TSFM: variants seen among roughly 807,000 people sequenced by gnomAD.
TSFM encodes elongation factor Ts, mitochondrial.
TSFM carries 29 observed loss-of-function variants against 33.4 expected under a neutral mutation model. That is an observed-to-expected ratio of 0.87 (90% CI 0.65 to 1.18). The LOEUF is 1.18. Among genes scored for constraint, TSFM ranks in the 50% most tolerant of loss-of-function variants. The pLI is 0.00. For synonymous variants in TSFM, 178 were observed against 163.5 expected (o/e 1.09, Z -0.68); for missense variants, 394 against 395.6 (o/e 1.00, Z 0.04).
At position 57,783,220 on chromosome 12, in the gene TSFM, A is replaced by C; in HGVS notation, c.168A>C (p.Lys56Asn). Residue 56 changes from lysine to asparagine, a missense_variant, in exon 2 of 6, where the codon AAA becomes AAC. Lys to Asn is a moderately conservative substitution (Grantham distance 94). Coordinates refer to ENST00000652027, the MANE Select transcript of TSFM (RefSeq NM_005726.6). ...SKELLMKLRR[K>N]TGYSFVNCKK... The stretch of plus-strand genomic sequence containing the variant: ...AGCTCCTCATGAAGCTGCGGCGGAA[A>C]ACAGGCTACTCCTTTGTAAATTGCA... 6.2e-7 allele frequency: 1 copy of C among 1,613,844 alleles called. No individual in the cohort carries two copies. The highest frequency in any genetic ancestry group is 8.5e-7 in the Non-Finnish European group (1 of 1,179,896).
chr12:57,797,210 A>G lies in TSFM; in HGVS notation c.*627A>G. 3 of 985,436 alleles carry G rather than the reference A, an allele frequency of 3.0e-6. No homozygotes were observed. Among genetic ancestry groups the G allele is most frequent in the Non-Finnish European group, 3.6e-6 (3 of 829,938 alleles). 61.0% of individuals were successfully genotyped at this position (985,436 alleles called of 1,614,324 possible). On this transcript the variant is annotated 3_prime_UTR_variant, in exon 6 of 6. Transcript: ENST00000652027. ...TACTGAGGTTTCCTGGCCAGCTGTAAGGCAGATTTTGACATTCTTGTGCCA... is the reference window on the plus strand; with the variant it reads ...TACTGAGGTTTCCTGGCCAGCTGTAGGGCAGATTTTGACATTCTTGTGCCA...
At chr12:57,802,110 T>G, downstream of TSFM, 4 of 1,596,352 alleles carry the variant, frequency 2.5e-6, no homozygotes, top group Non-Finnish European at 3.4e-6. Context: ...CACTGAGCTG[T>G]TCTGAGCTAC....
chr12:57,792,252 G>A (rs1955672445), intron 4 of TSFM, among the ~76,000 whole-genome samples: 2 of 151,478 alleles, frequency 1.3e-5, no homozygotes, highest in African/African-American at 4.9e-5. Flanking sequence ...TCAAAAAAAA[G>A]AAAAAACTGT....
rs2140414091 is a variant in TSFM at position 57,783,776 on chromosome 12, T to C, written c.231+493T>C. The C allele has an allele frequency of 8.5e-6, 5 of 590,878 alleles. No individual in the cohort carries two copies. In the South Asian group the frequency reaches 1.0e-4, roughly 12 times the overall value. 36.6% of individuals were successfully genotyped at this position (590,878 alleles called of 1,614,324 possible). A position where few individuals can be genotyped will look rare whatever the true frequency, so the allele number is the denominator to read the frequency against. On this transcript the variant is annotated intron_variant, in intron 2 of 5. Transcript: ENST00000652027. ...ACCCGGCTATTTTATTTTTTATTTT[T>C]TATTTTTTTTTGTATTTTTAGTAGA... is the stretch of plus-strand genomic sequence containing the variant.
chr12:57,795,850 A>T (rs1205400949), intron 5 of TSFM, among the ~76,000 whole-genome samples: 2 of 152,046 alleles, frequency 1.3e-5, no homozygotes, highest in Non-Finnish European at 2.9e-5. Context: ...TCCTGACCTC[A>T]GGTGATCTAC....
At chr12:57,800,285 C>A, downstream of TSFM, 1 of 180,646 alleles carries the variant, frequency 5.5e-6, no homozygotes. Flanking sequence ...TGTAGTCCTA[C>A]TTAAATACAA....
downstream of TSFM, among the ~76,000 whole-genome samples, chr12:57,799,452 G>A (rs764160424): frequency 1.3e-5 from 2 of 152,250 alleles, no homozygotes; most frequent in African/African-American, 2.4e-5. Flanking sequence ...AAACAGGGCC[G>A]TGCCATATAT....
chr12:57,786,252 T>A lies in TSFM; in HGVS notation c.321T>A (p.Ile107=), dbSNP rs1253596799. The A allele has an allele frequency of 5.0e-6, 8 of 1,612,366 alleles. No homozygotes were observed. The highest frequency in any genetic ancestry group is 6.8e-6 in the Non-Finnish European group (8 of 1,179,178). ...LQGRKTKEGL[I]GLLQEGNTTV... ...GGAGGAAGACCAAAGAAGGCCTGATTGGGCTGTTGCAGGAAGGAAACACAA... is the reference window on the plus strand; with the variant it reads ...GGAGGAAGACCAAAGAAGGCCTGATAGGGCTGTTGCAGGAAGGAAACACAA... The change falls in exon 3 of 6, where the codon ATT becomes ATA. Residue 107 remains isoleucine, a synonymous_variant. Coordinates refer to ENST00000652027, the MANE Select transcript of TSFM (RefSeq NM_005726.6).
At chr12:57,785,218 G>A (rs956147465) in intron 2 of TSFM, among the ~76,000 whole-genome samples, 1 of 152,086 alleles carries the variant, frequency 6.6e-6, no homozygotes, top group Non-Finnish European at 1.5e-5. Context: ...GAGCCACAGC[G>A]CCTGGCCAAA....
At chr12:57,799,793 A>G, downstream of TSFM, 1 of 1,613,706 alleles carries the variant, frequency 6.2e-7, no homozygotes, top group South Asian at 1.1e-5. Flanking sequence ...TCAGCCACTC[A>G]CCTCCTTTTT....
chr12:57,795,136 G>C (rs891478542), intron 5 of TSFM, among the ~76,000 whole-genome samples: 1 of 148,020 alleles, frequency 6.8e-6, no homozygotes, highest in African/African-American at 2.5e-5. Context: ...TTTTGCTCTT[G>C]TTGCCCAGGC....
At chr12:57,788,614 A>G (rs377589618) in intron 4 of TSFM, among the ~76,000 whole-genome samples, 2 of 151,556 alleles carry the variant, frequency 1.3e-5, no homozygotes, top group African/African-American at 4.9e-5. Context: ...ATTTATTAAC[A>G]TTTTGCTGTA....
chr12:57,784,997 G>C (rs1275737104), intron 2 of TSFM, among the ~76,000 whole-genome samples: 2 of 132,836 alleles, frequency 1.5e-5, no homozygotes, highest in Non-Finnish European at 3.1e-5. Context: ...CACAATCTTG[G>C]CTCACTGCAA....
In TSFM at chr12:57,795,392, G is replaced by A. The variant is rs143123430; in HGVS notation, c.572-785G>A. ...TGGGATTACAGGCGTGAGCCACCAC[G>A]GCTGGCTGCTTTTACATATATTATT... On this transcript the variant is annotated intron_variant, in intron 5 of 5. Coordinates refer to ENST00000652027, the MANE Select transcript of TSFM (RefSeq NM_005726.6). Among the ~76,000 whole-genome samples, 408 of 151,640 alleles carry A rather than the reference G, an allele frequency of 2.7e-3. 1 individual carries two copies. The highest frequency in any genetic ancestry group is 9.1e-3 in the African/African-American group (377 of 41,338).
intron 5 of TSFM, among the ~76,000 whole-genome samples, chr12:57,795,936 C>G (rs1252384507): frequency 1.3e-5 from 2 of 152,136 alleles, no homozygotes; most frequent in East Asian, 3.8e-4. Flanking sequence ...TACCAGAGTG[C>G]CTGGCACATA....
chr12:57,784,248 G>T lies in TSFM; in HGVS notation c.231+965G>T, dbSNP rs1595135791. On this transcript the variant is annotated intron_variant, in intron 2 of 5. Transcript: ENST00000652027. ...ATAAAAAACGATACATCTCCATAGG[G>T]AACTTATCATGTATGGAGCTTGCAG... 5.1e-5 allele frequency: 33 copies of T among 649,510 alleles called. No homozygotes were observed. In the East Asian group the frequency reaches 8.8e-4, roughly 17 times the overall value. The allele number at this position is 649,510 out of a possible 1,614,324, so 40.2% of individuals were successfully genotyped here.
downstream of TSFM, chr12:57,800,045 A>G (rs1955816159): frequency 1.6e-6 from 2 of 1,272,694 alleles, no homozygotes; most frequent in Middle Eastern, 3.9e-4. Context: ...ATCATCTTTG[A>G]TAACAATGCT....
chr12:57,792,696 G>A (rs902351265), intron 4 of TSFM, among the ~76,000 whole-genome samples: 3 of 151,832 alleles, frequency 2.0e-5, no homozygotes, highest in Non-Finnish European at 2.9e-5. Context: ...AGGTTTAAGC[G>A]ATTCTCACGT....
At chr12:57,783,982 A>G (rs1396947618) in intron 2 of TSFM, 1 of 702,884 alleles carries the variant, frequency 1.4e-6, no homozygotes, top group Non-Finnish European at 2.6e-6. Context: ...GTCTCTTAAT[A>G]GGAAGATACA....
Sources: gnomAD v4.1 joint callset for allele counts (sites outside exome capture counted in the v4.1 genomes callset) on GRCh38, gnomAD v4.1.1 for gene constraint, MANE v1.5 for transcripts, NCBI Gene and HGNC (gene_info 2026-07-23, HGNC 2026-07-21) for gene names.